The following PIWIL1 variants were observed in gnomAD, a reference collection of about 807,000 sequenced individuals.
The protein encoded by PIWIL1 is piwi like RNA-mediated gene silencing 1.
Under a neutral mutation model 114.4 loss-of-function variants are expected in PIWIL1, and 73 were observed. That is an observed-to-expected ratio of 0.64 (90% CI 0.53 to 0.78). PIWIL1 has a LOEUF of 0.78. Ranked by LOEUF, PIWIL1 falls within the 30% of genes least tolerant of loss-of-function variation. The pLI is 0.00. For missense variants in PIWIL1, 723 were observed against 1,063.1 expected (o/e 0.68, Z 4.45); for synonymous variants, 375 against 369.0 (o/e 1.02, Z -0.19).
the PIWIL1 span, among the ~76,000 whole-genome samples, chr12:130,417,221 C>T: frequency 6.6e-6 from 1 of 152,182 alleles, no homozygotes; most frequent in African/African-American, 2.4e-5. Context: ...ATTTGACACA[C>T]CAGTGCCATT....
intron 16 of PIWIL1, among the ~76,000 whole-genome samples, chr12:130,362,303 T>C (rs2073536381): frequency 6.6e-6 from 1 of 152,212 alleles, no homozygotes; most frequent in Non-Finnish European, 1.5e-5. Flanking sequence ...AGCTGCCGCT[T>C]ATAAGTGAAA....
chr12:130,426,258 C>G, the PIWIL1 span: 1 of 151,978 alleles, frequency 6.6e-6, no homozygotes, highest in Non-Finnish European at 1.5e-5. Flanking sequence ...ACCCAGAAAT[C>G]CAGACCTGCC....
the PIWIL1 span, among the ~76,000 whole-genome samples, chr12:130,413,596 G>A: frequency 7.8e-6 from 1 of 128,958 alleles, no homozygotes; most frequent in South Asian, 2.7e-4. Flanking sequence ...TGGTGCCACT[G>A]TACTCCAGCC....
the PIWIL1 span, chr12:130,407,791 T>A: frequency 1.2e-6 from 2 of 1,614,090 alleles, no homozygotes; most frequent in Admixed American, 3.3e-5. Flanking sequence ...ATTCTCCGCG[T>A]CGATACCGAA....
the PIWIL1 span, among the ~76,000 whole-genome samples, chr12:130,391,905 G>A: frequency 5.3e-5 from 8 of 151,988 alleles, no homozygotes; most frequent in South Asian, 2.1e-4. Flanking sequence ...ACATGCGTGC[G>A]TCAGTGACCT....
downstream of PIWIL1, among the ~76,000 whole-genome samples, chr12:130,373,271 A>G (rs2136206388): frequency 6.6e-6 from 1 of 152,330 alleles, no homozygotes; most frequent in Middle Eastern, 3.4e-3. Context: ...GTCTAATCAT[A>G]CGACTGGAAA....
intron 18 of PIWIL1, among the ~76,000 whole-genome samples, chr12:130,363,444 T>G (rs935430185): frequency 1.3e-5 from 2 of 152,140 alleles, no homozygotes; most frequent in East Asian, 3.9e-4. Flanking sequence ...CTGATAATTC[T>G]GTACATCCAA....
the PIWIL1 span, chr12:130,399,105 G>T: frequency 7.3e-7 from 1 of 1,366,474 alleles, no homozygotes; most frequent in Non-Finnish European, 9.5e-7. Context: ...ATCTTCAGTT[G>T]CTCACTTACG....
At chr12:130,394,664 ATTTT>A in the PIWIL1 span, among the ~76,000 whole-genome samples, 16 of 147,594 alleles carry the variant, frequency 1.1e-4, no homozygotes, top group African/African-American at 3.7e-4. Context: ...GGATTTTTGC[ATTTT>A]TTTTTTTTTT....
At chr12:130,347,193 A>G (rs1029640600) in intron 6 of PIWIL1, 131 bp downstream of exon 6, 7 of 685,724 alleles carry the variant, frequency 1.0e-5, no homozygotes, top group African/African-American at 3.6e-5. Context: ...GTATTGCAGT[A>G]ACTTAAGGTG....
chr12:130,348,288 C>A, intron 7 of PIWIL1, 105 bp downstream of exon 7: 1 of 617,342 alleles, frequency 1.6e-6, no homozygotes, highest in Non-Finnish European at 2.8e-6. Context: ...ACTGTTAATG[C>A]CGCCCATCAC....
the PIWIL1 span, chr12:130,383,469 G>A: frequency 6.6e-6 from 1 of 152,172 alleles, no homozygotes; most frequent in Non-Finnish European, 1.5e-5. Context: ...TCTGCCTACA[G>A]GAAAGCCAAG....
At chr12:130,394,626 A>G in the PIWIL1 span, among the ~76,000 whole-genome samples, 2 of 151,844 alleles carry the variant, frequency 1.3e-5, no homozygotes, top group African/African-American at 4.8e-5. Flanking sequence ...CACAGAAAAA[A>G]GTACCGTAGA....
intron 19 of PIWIL1, among the ~76,000 whole-genome samples, chr12:130,370,244 G>GAAAAAAAAA (rs11350549): frequency 7.0e-6 from 1 of 143,630 alleles, no homozygotes; most frequent in Non-Finnish European, 1.5e-5. Context: ...CCAAGAAAAT[G>GAAAAAAAAA]AAAAAAAAAA....
Position 130,349,335 on chromosome 12 carries a change from G to A in PIWIL1, c.831G>A (p.Glu277=), listed in dbSNP as rs1565943922. 6.2e-7 allele frequency: 1 copy of A among 1,613,718 alleles called. No homozygotes were observed. Among genetic ancestry groups the A allele is most frequent in the Non-Finnish European group, 8.5e-7 (1 of 1,179,644 alleles). The change falls in exon 8 of 21, where the codon GAG becomes GAA. Residue 277 remains glutamate (E), a synonymous_variant. Transcript: ENST00000245255. The part of the protein sequence containing the change: ...TDVSHKVLRS[E]TVLDFMFNFY... ...TTAGCCATAAAGTCCTTCGAAGTGA[G>A]ACTGTTTTGGATTTCATGTTCAACT...
At position 130,346,572 on chromosome 12, in the gene PIWIL1, A is replaced by G. The variant is rs1162706152; in HGVS notation, c.519A>G (p.Arg173=). ...GAACGATATTATTTTTACCTAAAAG[A>G]CTACAGCAAAAGGTTATTTGGGAAA... ...FDGTILFLPK[R]LQQKVTEVFS... is the part of the protein sequence containing the mutation. Residue 173 remains arginine (R), a synonymous_variant, in exon 5 of 21, where the codon AGA becomes AGG. Coordinates refer to ENST00000245255, the MANE Select transcript of PIWIL1 (RefSeq NM_004764.5). The G allele has an allele frequency of 1.9e-6, 3 of 1,612,640 alleles. No individual in the cohort carries two copies. In the African/African-American group the frequency reaches 4.0e-5, roughly 21 times the overall value.
the PIWIL1 span, among the ~76,000 whole-genome samples, chr12:130,406,966 C>T: frequency 2.0e-5 from 3 of 152,184 alleles, no homozygotes; most frequent in Admixed American, 6.5e-5. Flanking sequence ...TCAGTGTCTA[C>T]GATGGGCCGG....
At chr12:130,356,414 G>A (rs926152837) in intron 12 of PIWIL1, among the ~76,000 whole-genome samples, 1 of 151,916 alleles carries the variant, frequency 6.6e-6, no homozygotes, top group African/African-American at 2.4e-5. Flanking sequence ...AGGCAGGGAG[G>A]TGGCCAGGAC....
chr12:130,349,122 A>T (rs2073148624), intron 7 of PIWIL1, 117 bp from the exon 8 acceptor site: 2 of 632,612 alleles, frequency 3.2e-6, no homozygotes, highest in Admixed American at 2.9e-5. Context: ...AAGGAAATTG[A>T]TTCATTCAGA....
Sources: gnomAD v4.1 joint callset for allele counts (sites outside exome capture counted in the v4.1 genomes callset) on GRCh38, gnomAD v4.1.1 for gene constraint, MANE v1.5 for transcripts, NCBI Gene and HGNC (gene_info 2026-07-23, HGNC 2026-07-21) for gene names.